Variants in CLRN1 observed in about 807,000 individuals in gnomAD.
CLRN1 encodes clarin 1, also known as clarin-1.
Under a neutral mutation model 18.7 loss-of-function variants are expected in CLRN1, and 15 were observed. The observed-to-expected ratio is 0.80, with a 90% CI of 0.54 to 1.23. The LOEUF (loss-of-function observed/expected upper bound fraction) is 1.23, where lower values mean the gene tolerates loss of function less well. CLRN1 is among the 50% of genes most tolerant of loss of function. The probability of loss-of-function intolerance (pLI) is 0.00; values close to 1 mark genes in which losing one functional copy is unlikely to be tolerated. For synonymous variants in CLRN1, 104 were observed against 102.9 expected (o/e 1.01, Z -0.07); for missense variants, 311 against 277.5 (o/e 1.12, Z -0.86).
intron 1 of CLRN1, among the ~76,000 whole-genome samples, chr3:150,949,643 G>A (rs574238618): frequency 1.3e-4 from 20 of 152,218 alleles, no homozygotes; most frequent in African/African-American, 4.1e-4. Flanking sequence ...AAGCAAGGAG[G>A]TGAATAATCT....
intron 1 of CLRN1, among the ~76,000 whole-genome samples, chr3:150,951,741 A>G (rs571029859): frequency 6.6e-6 from 1 of 152,262 alleles, no homozygotes; most frequent in East Asian, 1.9e-4. Context: ...GAATTTAACA[A>G]TCATGGTGGA....
intron 1 of CLRN1, among the ~76,000 whole-genome samples, chr3:150,966,909 C>T (rs1033662132): frequency 6.6e-6 from 1 of 152,160 alleles, no homozygotes; most frequent in Non-Finnish European, 1.5e-5. Context: ...TCTAGAACAG[C>T]GAGCCCCTCG....
intron 1 of CLRN1, among the ~76,000 whole-genome samples, chr3:150,961,030 A>C (rs1357479782): frequency 2.0e-5 from 3 of 152,192 alleles, no homozygotes; most frequent in African/African-American, 7.2e-5. Context: ...AAAATTCATC[A>C]ATCAGATTGC....
intron 1 of CLRN1, among the ~76,000 whole-genome samples, chr3:150,965,604 C>A (rs187103638): frequency 2.6e-5 from 4 of 152,130 alleles, no homozygotes; most frequent in Admixed American, 6.5e-5. Context: ...GAAAGCAGAG[C>A]AGCAAATTGT....
chr3:150,960,218 T>C (rs1218309212), intron 1 of CLRN1, among the ~76,000 whole-genome samples: 4 of 152,222 alleles, frequency 2.6e-5, no homozygotes, highest in Non-Finnish European at 1.5e-5. Flanking sequence ...ATCATTTATG[T>C]GGAAGATTGT....
At chr3:150,946,011 G>A (rs62282735) in intron 1 of CLRN1, among the ~76,000 whole-genome samples, 15,410 of 152,166 alleles carry the variant, frequency 0.1, 854 homozygotes, top group African/African-American at 0.13. Flanking sequence ...TGGAAATAAC[G>A]TACATGTTTA....
chr3:150,951,134 A>T (rs531807670), intron 1 of CLRN1, among the ~76,000 whole-genome samples: 2 of 152,172 alleles, frequency 1.3e-5, no homozygotes, highest in South Asian at 4.2e-4. Flanking sequence ...AGACACTGGG[A>T]TCTTCTTGAG....
intron 1 of CLRN1, chr3:150,945,443 AG>A (rs1263532198): frequency 1.7e-6 from 2 of 1,177,294 alleles, no homozygotes; most frequent in Non-Finnish European, 2.2e-6. Flanking sequence ...ACATGCTGGA[AG>A]GGGGCCAGGA....
chr3:150,939,555 G>A (rs1713687884), intron 2 of CLRN1, among the ~76,000 whole-genome samples: 1 of 152,162 alleles, frequency 6.6e-6, no homozygotes, highest in Non-Finnish European at 1.5e-5. Flanking sequence ...AAGGGAGATT[G>A]TTAAAATACA....
intron 1 of CLRN1, 117 bp from the exon 2 acceptor site, chr3:150,941,878 T>C: frequency 1.1e-6 from 1 of 924,036 alleles, no homozygotes. Flanking sequence ...ATCCTTCTGA[T>C]GAATACATTC....
intron 1 of CLRN1, among the ~76,000 whole-genome samples, chr3:150,960,244 A>G (rs1470108548): frequency 6.6e-6 from 1 of 152,176 alleles, no homozygotes. Context: ...ATTTTAAGTA[A>G]TTGTCTAAAT....
At chr3:150,970,190 T>C (rs1715464436) in intron 1 of CLRN1, among the ~76,000 whole-genome samples, 1 of 152,236 alleles carries the variant, frequency 6.6e-6, no homozygotes, top group African/African-American at 2.4e-5. Flanking sequence ...TTAGATCTTT[T>C]ATTCATTTAT....
At chr3:150,949,402 G>A (rs2107964958) in intron 1 of CLRN1, among the ~76,000 whole-genome samples, 1 of 152,290 alleles carries the variant, frequency 6.6e-6, no homozygotes, top group South Asian at 2.1e-4. Flanking sequence ...CAAGTAGGAA[G>A]AGAGGAAGTC....
chr3:150,928,043 C>T lies in CLRN1; in HGVS notation c.592G>A (p.Val198Ile). 2.5e-6 allele frequency: 4 copies of T among 1,613,976 alleles called. No homozygotes were observed. The highest frequency in any genetic ancestry group is 1.3e-5 in the African/African-American group (1 of 75,004). ...ATTAGGAGCCCATTCAGAAAATGAA[C>T]AAAAAAGCAAAAGAAAATGACCCAG... ...SFWVIFFCFF[V>I]HFLNGLLIRL... The change falls in exon 3 of 3, where the codon GTT becomes ATT. Residue 198 changes from valine to isoleucine, a missense_variant. By Grantham distance (29) the Val-to-Ile change is conservative (BLOSUM62 3). Coordinates refer to ENST00000327047, the MANE Select transcript of CLRN1 (RefSeq NM_174878.3).
intron 2 of CLRN1, chr3:150,940,398 T>C (rs1467052762): frequency 3.8e-6 from 5 of 1,316,358 alleles, no homozygotes; most frequent in South Asian, 3.0e-5. Context: ...GCCTTTGTTT[T>C]ATAGAGAGAG....
chr3:150,934,031 G>A (rs968655221), intron 2 of CLRN1, among the ~76,000 whole-genome samples: 1 of 152,126 alleles, frequency 6.6e-6, no homozygotes, highest in Non-Finnish European at 1.5e-5. Flanking sequence ...TTGATGACTG[G>A]ACATCCCTGT....
intron 1 of CLRN1, among the ~76,000 whole-genome samples, chr3:150,970,376 T>G (rs1715472859): frequency 6.6e-6 from 1 of 152,158 alleles, no homozygotes; most frequent in Non-Finnish European, 1.5e-5. Flanking sequence ...CCCAAAGGCA[T>G]GTTGATTAGA....
chr3:150,959,988 C>CAATG (rs1300022615), intron 1 of CLRN1, among the ~76,000 whole-genome samples: 3 of 152,138 alleles, frequency 2.0e-5, no homozygotes, highest in Non-Finnish European at 4.4e-5. Flanking sequence ...CATCAAAGCA[C>CAATG]AATGGGTAGA....
In CLRN1 at chr3:150,927,884, A is replaced by G; in HGVS notation, c.*52T>C. Reference sequence around the variant, plus strand: ...GATATGCAAAATTAACCACATCTAAAAGTGACCAAAGCAAGTCTACTCCCT... The same window carrying G: ...GATATGCAAAATTAACCACATCTAAGAGTGACCAAAGCAAGTCTACTCCCT... On this transcript the variant is annotated 3_prime_UTR_variant, in exon 3 of 3. Transcript: ENST00000327047. 6.2e-7 allele frequency: 1 copy of G among 1,609,198 alleles called. No individual in the cohort carries two copies. Among genetic ancestry groups the G allele is most frequent in the South Asian group, 1.1e-5 (1 of 90,846 alleles).
Sources: allele counts gnomAD v4.1 joint callset (sites outside exome capture counted in the v4.1 genomes callset), GRCh38; gene constraint gnomAD v4.1.1; transcripts MANE v1.5; gene names NCBI Gene and HGNC (gene_info 2026-07-23, HGNC 2026-07-21).